Variants in BCAS3 observed in about 807,000 individuals in gnomAD.
BCAS3 encodes the protein BCAS3 microtubule associated cell migration factor, also known as BCAS4/BCAS3 fusion.
BCAS3 carries 53 observed loss-of-function variants against 116.1 expected under a neutral mutation model. The ratio of observed to expected loss-of-function variants is 0.46; its 90% confidence interval spans 0.37 to 0.57. The LOEUF (loss-of-function observed/expected upper bound fraction) is 0.57. Ranked by LOEUF, BCAS3 falls within the 20% of genes least tolerant of loss-of-function variation. The pLI is 0.00. For missense variants in BCAS3, 917 were observed against 1,165.4 expected (o/e 0.79, Z 3.10); for synonymous variants, 391 against 408.2 (o/e 0.96, Z 0.51).
intron 7 of BCAS3, among the ~76,000 whole-genome samples, chr17:60,854,700 T>C (rs2053499379): frequency 6.6e-6 from 1 of 152,038 alleles, no homozygotes; most frequent in Non-Finnish European, 1.5e-5. Flanking sequence ...AAACAACAGG[T>C]GCTGGAGAGG....
chr17:61,009,925 C>G (rs1474762698), intron 15 of BCAS3, among the ~76,000 whole-genome samples: 2 of 151,980 alleles, frequency 1.3e-5, no homozygotes, highest in African/African-American at 4.8e-5. Context: ...GATGTCTTTT[C>G]CACAAATGTC....
At chr17:61,137,650 T>G (rs1484066563) in intron 22 of BCAS3, among the ~76,000 whole-genome samples, 1 of 152,200 alleles carries the variant, frequency 6.6e-6, no homozygotes, top group Non-Finnish European at 1.5e-5. Flanking sequence ...ACGCCTGTAA[T>G]CTTAGCTACT....
chr17:61,349,221 T>C lies in BCAS3; in HGVS notation c.2426-19106T>C, dbSNP rs970931396. On this transcript the variant is annotated intron_variant, in intron 22 of 23. Coordinates refer to ENST00000407086, the MANE Select transcript of BCAS3 (RefSeq NM_017679.5). The surrounding 1 kb of genome is among the most constrained non-coding windows in gnomAD (Gnocchi z 4.7). ...TAAGCATTCCAAGTGCTTCTTCTCATGAGGGAAGTCTGGGAGTGACTCCAG... is the reference window on the plus strand; with the variant it reads ...TAAGCATTCCAAGTGCTTCTTCTCACGAGGGAAGTCTGGGAGTGACTCCAG... Among the ~76,000 whole-genome samples the C allele has an allele frequency of 5.3e-5, 8 of 152,192 alleles. No homozygotes were observed. Among genetic ancestry groups the C allele is most frequent in the Non-Finnish European group, 1.0e-4 (7 of 68,036 alleles).
At chr17:61,223,313 C>T (rs1000046407) in intron 22 of BCAS3, among the ~76,000 whole-genome samples, 2 of 151,970 alleles carry the variant, frequency 1.3e-5, no homozygotes, top group Non-Finnish European at 2.9e-5. Flanking sequence ...TGTGCCACCA[C>T]GCCTGGCTAA....
intron 20 of BCAS3, among the ~76,000 whole-genome samples, chr17:61,076,610 G>A (rs565912907): frequency 7.9e-5 from 12 of 152,166 alleles, no homozygotes; most frequent in Non-Finnish European, 1.5e-4. Flanking sequence ...TAGAAAAAGG[G>A]GTAATGTGTG....
intron 4 of BCAS3, among the ~76,000 whole-genome samples, chr17:60,703,050 G>A (rs1434586651): frequency 2.1e-5 from 3 of 146,260 alleles, no homozygotes; most frequent in African/African-American, 7.6e-5. Context: ...CAAGGTGGGT[G>A]GATCACCTGA....
Position 61,019,159 on chromosome 17 carries a change from C to G in BCAS3, c.1637+3258C>G, listed in dbSNP as rs775545397. Among the ~76,000 whole-genome samples, 1 of 152,154 alleles carries G rather than the reference C, an allele frequency of 6.6e-6. No individual in the cohort carries two copies. The highest frequency in any genetic ancestry group is 1.5e-5 in the Non-Finnish European group (1 of 68,026). Reference sequence around the variant, plus strand: ...CGCACAGCAGGAGGTGAACAACAGGCGAGTGAGCATCACCGCCTGAGCTCT... The same window carrying G: ...CGCACAGCAGGAGGTGAACAACAGGGGAGTGAGCATCACCGCCTGAGCTCT... On this transcript the variant is annotated intron_variant, in intron 16 of 23. Transcript: ENST00000407086. This position sits in a 1 kb window ranked among gnomAD's most constrained non-coding sequence, Gnocchi z 5.6.
rs1217187219 is a variant in BCAS3 at position 60,964,967 on chromosome 17, T to A, written c.1221+17615T>A. Among the ~76,000 whole-genome samples the A allele has an allele frequency of 6.6e-6, 1 of 152,128 alleles. No individual in the cohort carries two copies. Among genetic ancestry groups the A allele is most frequent in the Non-Finnish European group, 1.5e-5 (1 of 68,010 alleles). ...TCTAGCTCAAGACTTGTTGATTTTG[T>A]TTACATTTTTGAAAACCAATGTTTT... On this transcript the variant is annotated intron_variant, in intron 14 of 23. Transcript: ENST00000407086. The surrounding 1 kb of genome is among the most constrained non-coding windows in gnomAD (Gnocchi z 4.6).
intron 2 of BCAS3, among the ~76,000 whole-genome samples, chr17:60,680,258 C>T (rs912912496): frequency 1.3e-5 from 2 of 151,790 alleles, no homozygotes; most frequent in Admixed American, 6.6e-5. Context: ...TATATATTTA[C>T]CAGACAGTGA....
intron 14 of BCAS3, among the ~76,000 whole-genome samples, chr17:60,954,784 G>A (rs2061036559): frequency 6.6e-6 from 1 of 151,964 alleles, no homozygotes; most frequent in African/African-American, 2.4e-5. Flanking sequence ...ACCTTCTTGA[G>A]GGTAATAAGG....
At chr17:61,081,741 A>G (rs886150855) in intron 21 of BCAS3, among the ~76,000 whole-genome samples, 5 of 152,194 alleles carry the variant, frequency 3.3e-5, no homozygotes, top group African/African-American at 1.2e-4. Flanking sequence ...CCCACCCGGC[A>G]TCCAATTAGA....
intron 15 of BCAS3, among the ~76,000 whole-genome samples, chr17:60,998,508 C>A (rs1184161149): frequency 3.3e-5 from 5 of 152,180 alleles, no homozygotes; most frequent in Non-Finnish European, 7.4e-5. Flanking sequence ...TCACCAACAT[C>A]TGTTGTTTTT....
intron 15 of BCAS3, among the ~76,000 whole-genome samples, chr17:61,009,219 G>A (rs1036527268): frequency 6.6e-6 from 1 of 151,998 alleles, no homozygotes; most frequent in African/African-American, 2.4e-5. Flanking sequence ...CCATTGCTTA[G>A]TGTCCTTTAG....
chr17:61,045,866 A>AT (rs1166454514), intron 19 of BCAS3, among the ~76,000 whole-genome samples: 403 of 33,814 alleles, frequency 0.012, 17 homozygotes, highest in South Asian at 0.015. Flanking sequence ...TATATATATA[A>AT]ATATATATAA....
rs575406964 is a variant in BCAS3 at position 61,381,244 on chromosome 17, G to C, written c.2594-10733G>C. Among the ~76,000 whole-genome samples the C allele has an allele frequency of 2.6e-5, 4 of 152,302 alleles. No homozygotes were observed. Among genetic ancestry groups the C allele is most frequent in the African/African-American group, 9.6e-5 (4 of 41,566 alleles). On this transcript the variant is annotated intron_variant, in intron 23 of 23. Coordinates refer to ENST00000407086, the MANE Select transcript of BCAS3 (RefSeq NM_017679.5). The surrounding 1 kb of genome is among the most constrained non-coding windows in gnomAD (Gnocchi z 6.0). Reference sequence around the variant, plus strand: ...AAAGTGGAATTGCATTTCTAGATTTGTTATTCCTCCTGGAGGAGCAAATGG... The same window carrying C: ...AAAGTGGAATTGCATTTCTAGATTTCTTATTCCTCCTGGAGGAGCAAATGG...
chr17:60,822,072 C>T (rs2050014457), intron 7 of BCAS3, among the ~76,000 whole-genome samples: 2 of 152,168 alleles, frequency 1.3e-5, no homozygotes, highest in Admixed American at 1.3e-4. Flanking sequence ...CTGCTATGAA[C>T]ATTGTATTCA....
chr17:61,253,830 A>G (rs946128386), intron 22 of BCAS3, among the ~76,000 whole-genome samples: 7 of 152,134 alleles, frequency 4.6e-5, no homozygotes, highest in Admixed American at 6.6e-5. Context: ...TTAAGTATAC[A>G]TTACAGTTCG....
At chr17:61,210,118 A>G (rs2081370174) in intron 22 of BCAS3, among the ~76,000 whole-genome samples, 1 of 152,228 alleles carries the variant, frequency 6.6e-6, no homozygotes, top group East Asian at 1.9e-4. Context: ...AGTTGATTCC[A>G]TCAGTTGTAG....
chr17:61,310,018 T>C (rs1226240784), intron 22 of BCAS3, among the ~76,000 whole-genome samples: 1 of 152,260 alleles, frequency 6.6e-6, no homozygotes, highest in Non-Finnish European at 1.5e-5. Context: ...CCCAGCCATG[T>C]GGCAAGAATT....
Sources: allele counts gnomAD v4.1 joint callset (sites outside exome capture counted in the v4.1 genomes callset), GRCh38; gene constraint gnomAD v4.1.1; non-coding constraint Gnocchi (gnomAD v3.1); transcripts MANE v1.5; gene names NCBI Gene and HGNC (gene_info 2026-07-23, HGNC 2026-07-21).